The following PGM1 variants were observed in gnomAD, a reference collection of about 807,000 sequenced individuals.
PGM1 encodes phosphoglucomutase-1.
In PGM1, 52 loss-of-function variants were observed where a neutral mutation model predicts 55.6. The observed-to-expected ratio is 0.94, with a 90% CI of 0.75 to 1.18. The LOEUF (loss-of-function observed/expected upper bound fraction) is 1.18. PGM1 is among the 50% of genes most tolerant of loss of function. The pLI is 0.00. For synonymous variants in PGM1, 287 were observed against 271.7 expected (o/e 1.06, Z -0.55); for missense variants, 724 against 729.3 (o/e 0.99, Z 0.08).
At chr1:63,654,514 T>A in intron 10 of PGM1, 48 bp downstream of exon 10, 1 of 1,598,840 alleles carries the variant, frequency 6.3e-7, no homozygotes, top group Non-Finnish European at 8.6e-7. Flanking sequence ...TTCAAGGGAA[T>A]GATAGTTTCC....
chr1:63,618,908 T>C (rs1461911775), intron 1 of PGM1, among the ~76,000 whole-genome samples: 1 of 152,180 alleles, frequency 6.6e-6, no homozygotes, highest in African/African-American at 2.4e-5. Context: ...TCGAATTCTT[T>C]TCTGATTCTT....
intron 3 of PGM1, 96 bp downstream of exon 3, chr1:63,630,184 G>C: frequency 8.2e-7 from 1 of 1,223,120 alleles, no homozygotes; most frequent in Non-Finnish European, 1.2e-6. Context: ...GCTTTGGAAA[G>C]ATTTCCGTGA....
intron 1 of PGM1, among the ~76,000 whole-genome samples, chr1:63,607,945 G>A (rs547709023): frequency 2.6e-5 from 4 of 152,066 alleles, no homozygotes; most frequent in South Asian, 2.1e-4. Context: ...GCCAATTTTT[G>A]TCTTTTTCCA....
At chr1:63,653,363 A>T (rs1168216781) in intron 9 of PGM1, among the ~76,000 whole-genome samples, 1 of 152,180 alleles carries the variant, frequency 6.6e-6, no homozygotes, top group East Asian at 1.9e-4. Flanking sequence ...GTGAAAATGG[A>T]CCGTATCCTT....
chr1:63,624,256 G>GA (rs5774658), intron 1 of PGM1, among the ~76,000 whole-genome samples: 152,290 of 152,298 alleles, frequency 1, 76,141 homozygotes, highest in Middle Eastern at 1. Flanking sequence ...ATGCTAGGAG[G>GA]GGTTGGAAAA....
intron 1 of PGM1, among the ~76,000 whole-genome samples, chr1:63,625,028 G>A (rs962654931): frequency 6.6e-6 from 1 of 152,202 alleles, no homozygotes; most frequent in East Asian, 1.9e-4. Context: ...GCTGCAAAGG[G>A]AACAGTATTA....
chr1:63,623,162 C>CA, intron 1 of PGM1: 4 of 1,132,042 alleles, frequency 3.5e-6, no homozygotes, highest in Non-Finnish European at 4.4e-6. Context: ...GGAAATGAGA[C>CA]AAAAATAATT....
intron 1 of PGM1, among the ~76,000 whole-genome samples, chr1:63,596,522 G>T (rs2100951961): frequency 6.6e-6 from 1 of 152,224 alleles, no homozygotes; most frequent in Admixed American, 6.5e-5. Context: ...CTCCCAAGGT[G>T]CTGGGATTAC....
chr1:63,623,461 ATGAGTGATTT>A (rs1648937871), intron 1 of PGM1: 1 of 1,611,422 alleles, frequency 6.2e-7, no homozygotes, highest in African/African-American at 1.3e-5. Context: ...GAAGTGAAGG[ATGAGTGATTT>A]TGAAGAATGG....
chr1:63,628,767 C>G (rs985651423), intron 1 of PGM1, among the ~76,000 whole-genome samples: 1 of 152,138 alleles, frequency 6.6e-6, no homozygotes, highest in African/African-American at 2.4e-5. Flanking sequence ...GTCGCCCTTT[C>G]ATGTAGGTCA....
At chr1:63,658,807 A>G (rs1328951557) in intron 10 of PGM1, among the ~76,000 whole-genome samples, 1 of 151,920 alleles carries the variant, frequency 6.6e-6, no homozygotes, top group Non-Finnish European at 1.5e-5. Context: ...GCTGATAAAG[A>G]CATACCTGAG....
intron 7 of PGM1, among the ~76,000 whole-genome samples, chr1:63,644,675 C>T (rs2100995429): frequency 6.6e-6 from 1 of 152,252 alleles, no homozygotes; most frequent in South Asian, 2.1e-4. Flanking sequence ...TTTCTACTTG[C>T]TTTTTCGTAG....
chr1:63,616,786 T>A (rs867625822), intron 1 of PGM1, among the ~76,000 whole-genome samples: 3 of 152,240 alleles, frequency 2.0e-5, no homozygotes, highest in Non-Finnish European at 4.4e-5. Flanking sequence ...CTAAGCCATC[T>A]GGCCCTTGTA....
Position 63,619,424 on chromosome 1 carries a change from G to A in PGM1, c.247-10001G>A, listed in dbSNP as rs369377398. ...CAAGAACTCAGAGTTGAAGTTGTGT[G>A]TAGAAAGCTGGCAGAGGAACAGTGC... On this transcript the variant is annotated intron_variant, in intron 1 of 10. Coordinates refer to ENST00000371084, the MANE Select transcript of PGM1 (RefSeq NM_002633.3). Among the ~76,000 whole-genome samples, 138 of 152,346 alleles carry A rather than the reference G, an allele frequency of 9.1e-4. 1 individual carries two copies. Among genetic ancestry groups the A allele is most frequent in the Middle Eastern group, 6.8e-3 (2 of 294 alleles).
At position 63,654,428 on chromosome 1, in the gene PGM1, T is replaced by C. The variant is rs776662519; in HGVS notation, c.1561T>C (p.Tyr521His). 1.2e-6 allele frequency: 2 copies of C among 1,614,080 alleles called. No individual in the cohort carries two copies. Among genetic ancestry groups the C allele is most frequent in the Non-Finnish European group, 8.5e-7 (1 of 1,179,932 alleles). The change falls in exon 10 of 11, where the codon TAT becomes CAT. Residue 521 changes from tyrosine to histidine, a missense_variant. Around this residue, in one of 3 missense-constraint regions of PGM1, gnomAD observed 316 missense variants for 313.1 expected, o/e 1.01. Transcript: ENST00000371084. ...GATIRLYIDSYEKDVAKINQD... is the reference protein window; with the variant it reads ...GATIRLYIDSHEKDVAKINQD... ...CACCATTCGGCTGTACATCGATAGC[T>C]ATGAGAAGGACGTTGCCAAGATTAA...
chr1:63,627,000 T>G (rs1230464818), intron 1 of PGM1, among the ~76,000 whole-genome samples: 2 of 150,786 alleles, frequency 1.3e-5, no homozygotes, highest in Non-Finnish European at 2.9e-5. Flanking sequence ...GTATGACAAA[T>G]TTCACTTAGC....
chr1:63,610,104 CTG>C (rs941464495), intron 1 of PGM1, among the ~76,000 whole-genome samples: 114 of 152,300 alleles, frequency 7.5e-4, no homozygotes, highest in African/African-American at 2.6e-3. Flanking sequence ...TTATCTAAAA[CTG>C]TTTTCTCACC....
At chr1:63,604,227 A>G (rs992015336) in intron 1 of PGM1, among the ~76,000 whole-genome samples, 2 of 152,204 alleles carry the variant, frequency 1.3e-5, no homozygotes, top group Admixed American at 1.3e-4. Context: ...TATAGGTTCA[A>G]TCAGCTGTTG....
chr1:63,655,867 A>C (rs1649950577), intron 10 of PGM1: 1 of 152,408 alleles, frequency 6.6e-6, no homozygotes, highest in South Asian at 2.1e-4. Context: ...GGGTGTCTGC[A>C]CTAAGTTTGG....
Sources: gnomAD v4.1 joint callset for allele counts (sites outside exome capture counted in the v4.1 genomes callset) on GRCh38, gnomAD v4.1.1 for gene constraint, gnomAD v4.1.1 regional missense constraint, MANE v1.5 for transcripts, NCBI Gene and HGNC (gene_info 2026-07-23, HGNC 2026-07-21) for gene names.